The following UCK2 variants were observed in gnomAD, a reference collection of about 807,000 sequenced individuals.
UCK2 encodes uridine-cytidine kinase 2, also known as cytidine monophosphokinase 2.
UCK2 carries 6 observed loss-of-function variants against 30.8 expected under a neutral mutation model. The observed-to-expected ratio is 0.19, with a 90% CI of 0.11 to 0.38. The LOEUF is 0.38. UCK2 is among the 10% of genes least tolerant of loss of function. The pLI, the probability that UCK2 is intolerant of heterozygous loss-of-function variation, is 1.00. For missense variants in UCK2, 210 were observed against 339.8 expected (o/e 0.62, Z 3.00); for synonymous variants, 125 against 133.6 (o/e 0.94, Z 0.45).
At chr1:165,895,391 C>T in intron 3 of UCK2, 1 of 830,594 alleles carries the variant, frequency 1.2e-6, no homozygotes, top group Non-Finnish European at 1.5e-6. Flanking sequence ...CTCCAGCCTC[C>T]TGGGTGACAA....
Position 165,909,650 on chromosome 1 carries a change from A to G in UCK2, c.*1827A>G, listed in dbSNP as rs980890920. On this transcript the variant is annotated 3_prime_UTR_variant, in exon 7 of 7. Coordinates refer to ENST00000367879, the MANE Select transcript of UCK2 (RefSeq NM_012474.5). ...CCAGTCACAGCAGCCGCCTACTTGG[A>G]GCAAGGGAAGGCTCCCAAGATGCCT... 1 of 152,304 alleles carries G rather than the reference A, an allele frequency of 6.6e-6. No individual in the cohort carries two copies. The highest frequency in any genetic ancestry group is 2.4e-5 in the African/African-American group (1 of 41,470). 9.4% of individuals were successfully genotyped at this position (152,304 alleles called of 1,614,324 possible). A position where few individuals can be genotyped will look rare whatever the true frequency, so the allele number is the denominator to read the frequency against.
chr1:165,846,438 C>CT lies in UCK2; in HGVS notation c.99+18514dup, dbSNP rs1050493612. Among the ~76,000 whole-genome samples, 9 of 151,208 alleles carry CT rather than the reference C, an allele frequency of 6.0e-5. No individual in the cohort carries two copies. The South Asian group carries it at 8.3e-4, about 14-fold the overall frequency. ...TGCTGATAAGAAAAAAGAGACTGCC[C>CT]TTTTTTTTAAACAAAACAAAACAAA... On this transcript the variant is annotated intron_variant, in intron 1 of 6. Coordinates refer to ENST00000367879, the MANE Select transcript of UCK2 (RefSeq NM_012474.5).
At chr1:165,880,713 A>G (rs1655472546) in intron 1 of UCK2, among the ~76,000 whole-genome samples, 3 of 152,104 alleles carry the variant, frequency 2.0e-5, no homozygotes, top group South Asian at 4.1e-4. Flanking sequence ...TCACTATTCT[A>G]TATGGAATAA....
intron 1 of UCK2, among the ~76,000 whole-genome samples, chr1:165,870,929 T>G (rs1397498886): frequency 6.6e-6 from 1 of 152,242 alleles, no homozygotes; most frequent in Non-Finnish European, 1.5e-5. Context: ...GCCATTCTCC[T>G]GCCTCAGCCT....
At chr1:165,906,691 G>T (rs1647673923) in intron 6 of UCK2, among the ~76,000 whole-genome samples, 1 of 152,152 alleles carries the variant, frequency 6.6e-6, no homozygotes, top group Non-Finnish European at 1.5e-5. Flanking sequence ...TATTTTTTTG[G>T]CCTGTCTAGG....
chr1:165,847,717 G>A (rs959601191), intron 1 of UCK2, among the ~76,000 whole-genome samples: 1 of 151,878 alleles, frequency 6.6e-6, no homozygotes, highest in Non-Finnish European at 1.5e-5. Context: ...GACCTCAAGC[G>A]ATCCTCCTGC....
chr1:165,860,136 C>T (rs117777145), intron 1 of UCK2, among the ~76,000 whole-genome samples: 33 of 152,340 alleles, frequency 2.2e-4, no homozygotes, highest in East Asian at 1.2e-3. Flanking sequence ...AGTTGCACTG[C>T]GGGGCAGATT....
At chr1:165,904,460 T>C (rs1172142100) in intron 5 of UCK2, among the ~76,000 whole-genome samples, 2 of 152,244 alleles carry the variant, frequency 1.3e-5, no homozygotes, top group African/African-American at 4.8e-5. Context: ...GTTATCTATC[T>C]GAGGACCTCT....
chr1:165,880,739 G>A (rs1199640994), intron 1 of UCK2, among the ~76,000 whole-genome samples: 2 of 152,108 alleles, frequency 1.3e-5, no homozygotes, highest in South Asian at 2.1e-4. Flanking sequence ...ATTCAGTTGC[G>A]AGGGATACAT....
intron 4 of UCK2, chr1:165,902,595 T>TTTTTTTTTTTTTTTTTTG (rs1647516294): frequency 1.1e-5 from 1 of 88,224 alleles, no homozygotes; most frequent in Non-Finnish European, 2.5e-5. Context: ...CTGAGTGATT[T>TTTTTTTTTTTTTTTTTTG]TTTTTTTTTT....
intron 1 of UCK2, among the ~76,000 whole-genome samples, chr1:165,846,915 G>A (rs1356044135): frequency 1.3e-5 from 2 of 152,098 alleles, no homozygotes; most frequent in African/African-American, 4.8e-5. Context: ...GTATGCGGGG[G>A]CACCTGTTCA....
intron 1 of UCK2, among the ~76,000 whole-genome samples, chr1:165,842,042 C>T (rs1430394469): frequency 6.6e-6 from 1 of 152,210 alleles, no homozygotes; most frequent in Non-Finnish European, 1.5e-5. Context: ...CCAGTAATCA[C>T]CTAGTCTCTA....
intron 3 of UCK2, chr1:165,895,718 C>T: frequency 1.1e-6 from 1 of 914,194 alleles, no homozygotes; most frequent in Non-Finnish European, 1.3e-6. Flanking sequence ...TCCCTCCTTT[C>T]AATTGCCTCA....
chr1:165,906,003 A>G, intron 6 of UCK2, 34 bp downstream of exon 6: 1 of 1,599,558 alleles, frequency 6.3e-7, no homozygotes, highest in South Asian at 1.1e-5. Context: ...CTGGAGTATA[A>G]TGTCTGCCCT....
intron 2 of UCK2, chr1:165,890,645 C>T (rs572487262): frequency 7.9e-6 from 3 of 378,370 alleles, no homozygotes; most frequent in East Asian, 5.4e-5. Flanking sequence ...GACATGAGGT[C>T]GAACATACAG....
At chr1:165,901,575 G>A (rs765051836) in intron 4 of UCK2, among the ~76,000 whole-genome samples, 1 of 152,226 alleles carries the variant, frequency 6.6e-6, no homozygotes, top group African/African-American at 2.4e-5. Context: ...CTGAGAAATG[G>A]TTGGGAAGGA....
At chr1:165,885,446 A>G (rs1655593580) in intron 1 of UCK2, 1 of 398,028 alleles carries the variant, frequency 2.5e-6, no homozygotes, top group Admixed American at 4.4e-5. Flanking sequence ...TCCTTTCTTA[A>G]AATACCTTGT....
Position 165,890,370 on chromosome 1 carries a change from C to T in UCK2, c.259+7C>T, listed in dbSNP as rs755329492. ...TTCAACTTTGACCACCCGGGTGAGT[C>T]GGGCATTGAAGGGGGTATGTATCTG... On this transcript the variant is annotated splice_region_variant and intron_variant, in intron 2 of 6. Coordinates refer to ENST00000367879, the MANE Select transcript of UCK2 (RefSeq NM_012474.5). The T allele has an allele frequency of 8.7e-6, 14 of 1,612,858 alleles. No homozygotes were observed. The highest frequency in any genetic ancestry group is 1.7e-5 in the Admixed American group (1 of 59,900).
intron 1 of UCK2, among the ~76,000 whole-genome samples, chr1:165,830,911 T>G (rs1265072639): frequency 6.6e-6 from 1 of 151,980 alleles, no homozygotes; most frequent in Non-Finnish European, 1.5e-5. Flanking sequence ...TATTTTGACC[T>G]ATGTTTAAAA....
Sources: allele counts gnomAD v4.1 joint callset (sites outside exome capture counted in the v4.1 genomes callset), GRCh38; gene constraint gnomAD v4.1.1; transcripts MANE v1.5; gene names NCBI Gene and HGNC (gene_info 2026-07-23, HGNC 2026-07-21).